Variants in CNTNAP2 observed in about 807,000 individuals in gnomAD.
The protein encoded by CNTNAP2 is contactin-associated protein-like 2.
Under a neutral mutation model 155.2 loss-of-function variants are expected in CNTNAP2, and 98 were observed. The observed-to-expected ratio is 0.63, with a 90% confidence interval of 0.54 to 0.75. The LOEUF (loss-of-function observed/expected upper bound fraction) is 0.75. CNTNAP2 is among the 30% of genes least tolerant of loss of function. CNTNAP2 has a pLI of 0.00. For synonymous variants in CNTNAP2, 651 were observed against 631.2 expected (o/e 1.03, Z -0.47); for missense variants, 1,727 against 1,688.1 (o/e 1.02, Z -0.40).
rs186996481 is a variant in CNTNAP2 at position 146,388,359 on chromosome 7, C to T, written c.97+271386C>T. Among the ~76,000 whole-genome samples, 423 of 151,904 alleles carry T rather than the reference C, an allele frequency of 2.8e-3. 3 individuals carry two copies. The highest frequency in any genetic ancestry group is 9.6e-3 in the African/African-American group (399 of 41,422). ...ATGAGGTGGGAGGATCACCTGAGCCCGGGAGGTTGAGGCTGCAGCGAGCCA... is the reference window on the plus strand; with the variant it reads ...ATGAGGTGGGAGGATCACCTGAGCCTGGGAGGTTGAGGCTGCAGCGAGCCA... On this transcript the variant is annotated intron_variant, in intron 1 of 23. Transcript: ENST00000361727.
At chr7:147,198,300 C>T (rs1255343911) in intron 8 of CNTNAP2, among the ~76,000 whole-genome samples, 15 of 131,736 alleles carry the variant, frequency 1.1e-4, no homozygotes, top group African/African-American at 4.3e-4. Context: ...GGTGTGATCT[C>T]GGCTCACCAC....
At chr7:146,949,165 T>C (rs941746963) in intron 3 of CNTNAP2, among the ~76,000 whole-genome samples, 2 of 152,152 alleles carry the variant, frequency 1.3e-5, no homozygotes, top group African/African-American at 4.8e-5. Context: ...GAAGGAAAGA[T>C]AAAACAATTT....
At chr7:146,370,259 T>TAAAAAAAA (rs1563058188) in intron 1 of CNTNAP2, among the ~76,000 whole-genome samples, 1 of 117,830 alleles carries the variant, frequency 8.5e-6, no homozygotes, top group African/African-American at 4.5e-5. Flanking sequence ...CATCTCTACT[T>TAAAAAAAA]TAAAAAAAAA....
chr7:146,328,138 A>G (rs1801126096), intron 1 of CNTNAP2, among the ~76,000 whole-genome samples: 1 of 152,180 alleles, frequency 6.6e-6, no homozygotes, highest in Admixed American at 6.5e-5. Flanking sequence ...TTGTCAGATC[A>G]ACGATGGCAT....
At chr7:147,457,395 C>G (rs1042607745) in intron 10 of CNTNAP2, among the ~76,000 whole-genome samples, 2 of 152,116 alleles carry the variant, frequency 1.3e-5, no homozygotes, top group African/African-American at 2.4e-5. Flanking sequence ...TCCGCCATAT[C>G]CTACATCGCT....
At chr7:148,211,001 C>T (rs1160023174) in intron 18 of CNTNAP2, among the ~76,000 whole-genome samples, 1 of 152,196 alleles carries the variant, frequency 6.6e-6, no homozygotes, top group East Asian at 1.9e-4. Flanking sequence ...ATGCAGATTG[C>T]CTGGAAGGAA....
intron 13 of CNTNAP2, among the ~76,000 whole-genome samples, chr7:147,732,397 T>G (rs1796758453): frequency 6.6e-6 from 1 of 152,304 alleles, no homozygotes; most frequent in Admixed American, 6.5e-5. Flanking sequence ...TAGTATTCCA[T>G]GGTGTATATG....
intron 1 of CNTNAP2, among the ~76,000 whole-genome samples, chr7:146,217,507 C>T (rs1388774816): frequency 6.6e-6 from 1 of 152,216 alleles, no homozygotes; most frequent in Non-Finnish European, 1.5e-5. Flanking sequence ...TTATTATTAT[C>T]CACACGTATT....
At chr7:148,316,759 C>CT (rs1307626329) in intron 21 of CNTNAP2, among the ~76,000 whole-genome samples, 2 of 152,262 alleles carry the variant, frequency 1.3e-5, no homozygotes, top group East Asian at 3.9e-4. Context: ...GTCAAAAATC[C>CT]TATTGCGATC....
chr7:146,946,924 C>A (rs2129226892), intron 3 of CNTNAP2, among the ~76,000 whole-genome samples: 1 of 152,058 alleles, frequency 6.6e-6, no homozygotes, highest in South Asian at 2.1e-4. Flanking sequence ...AAAATCCCCC[C>A]AAAAAAGCAT....
At chr7:147,576,320 G>C (rs529876329) in intron 12 of CNTNAP2, among the ~76,000 whole-genome samples, 73 of 152,098 alleles carry the variant, frequency 4.8e-4, no homozygotes, top group Admixed American at 1.1e-3. Flanking sequence ...GTTTGAGATA[G>C]GTAAGAGTGT....
At chr7:147,705,874 G>A (rs557493086) in intron 13 of CNTNAP2, among the ~76,000 whole-genome samples, 8 of 151,948 alleles carry the variant, frequency 5.3e-5, no homozygotes, top group Middle Eastern at 3.4e-3. Flanking sequence ...TAGCTATTCC[G>A]TTTGTTTGTG....
At chr7:147,259,698 G>T (rs184331774) in intron 8 of CNTNAP2, among the ~76,000 whole-genome samples, 3 of 152,222 alleles carry the variant, frequency 2.0e-5, no homozygotes, top group Admixed American at 6.5e-5. Context: ...CAAGAGCATC[G>T]TCTTAAAAGT....
intron 12 of CNTNAP2, among the ~76,000 whole-genome samples, chr7:147,610,752 G>C (rs1801168902): frequency 6.6e-6 from 1 of 151,948 alleles, no homozygotes; most frequent in Non-Finnish European, 1.5e-5. Flanking sequence ...TGGTTGGTTT[G>C]TTTTGAGATA....
At chr7:147,879,890 T>C (rs1226036446) in intron 13 of CNTNAP2, among the ~76,000 whole-genome samples, 2 of 152,174 alleles carry the variant, frequency 1.3e-5, no homozygotes, top group African/African-American at 2.4e-5. Flanking sequence ...TTACTACACA[T>C]AGATGCTTGC....
rs180670636 is a variant in CNTNAP2, at chr7:147,157,007, C to G, written c.1348+24498C>G. Among the ~76,000 whole-genome samples, 161 of 152,164 alleles carry G rather than the reference C, an allele frequency of 1.1e-3. 1 individual carries two copies. Among genetic ancestry groups the G allele is most frequent in the Admixed American group, 1.2e-3 (19 of 15,254 alleles). ...TTAAAAATCCAGAAAGGTCAGAAAG[C>G]CTAAACTCACCTGGCTTCACTCTCC... On this transcript the variant is annotated intron_variant, in intron 8 of 23. Transcript: ENST00000361727.
At chr7:147,360,716 G>A (rs569926999) in intron 9 of CNTNAP2, among the ~76,000 whole-genome samples, 1 of 152,080 alleles carries the variant, frequency 6.6e-6, no homozygotes, top group Admixed American at 6.5e-5. Flanking sequence ...ATGTGTTCAT[G>A]GATATTTATT....
chr7:147,265,554 G>A (rs1235547511), intron 8 of CNTNAP2, among the ~76,000 whole-genome samples: 1 of 152,176 alleles, frequency 6.6e-6, no homozygotes, highest in East Asian at 1.9e-4. Flanking sequence ...GATCTCCGTG[G>A]ATCAGTAGAT....
intron 3 of CNTNAP2, among the ~76,000 whole-genome samples, chr7:146,929,052 A>T (rs1796681007): frequency 6.6e-6 from 1 of 152,220 alleles, no homozygotes; most frequent in African/African-American, 2.4e-5. Context: ...TGCAGACTTA[A>T]ATGTCCCTGT....
Sources: allele counts gnomAD v4.1 joint callset (sites outside exome capture counted in the v4.1 genomes callset), GRCh38; gene constraint gnomAD v4.1.1; transcripts MANE v1.5; gene names NCBI Gene and HGNC (gene_info 2026-07-23, HGNC 2026-07-21).